LINC00305: variants seen among roughly 807,000 people sequenced by gnomAD.
LINC00305 encodes the protein long independently transcribed non-coding RNA 305, also known as long intergenic non-protein coding RNA 305.
intron 1 of LINC00305, among the ~76,000 whole-genome samples, chr18:64,134,339 T>A (rs950373955): frequency 1.3e-5 from 2 of 152,224 alleles, no homozygotes; most frequent in South Asian, 2.1e-4. Flanking sequence ...GTTTCATAAT[T>A]ATGTCCAGTA....
At chr18:64,101,082 G>C (rs1267533400) in intron 1 of LINC00305, among the ~76,000 whole-genome samples, 1 of 152,166 alleles carries the variant, frequency 6.6e-6, no homozygotes, top group Admixed American at 6.5e-5. Flanking sequence ...CTCTACCATT[G>C]CTAAGTGCTG....
intron 3 of LINC00305, among the ~76,000 whole-genome samples, chr18:64,087,950 C>A (rs991478686): frequency 1.1e-3 from 161 of 151,644 alleles, no homozygotes; most frequent in African/African-American, 3.8e-3. Flanking sequence ...AAAAACAAAA[C>A]AAACAGACAA....
chr18:64,143,617 C>CAT (rs1645430594), intron 1 of LINC00305, among the ~76,000 whole-genome samples: 1 of 115,036 alleles, frequency 8.7e-6, no homozygotes, highest in Admixed American at 7.8e-5. Context: ...TACATATGTA[C>CAT]ACATATGTAT....
chr18:64,110,978 T>A (rs1265964835), intron 1 of LINC00305, among the ~76,000 whole-genome samples: 1 of 152,182 alleles, frequency 6.6e-6, no homozygotes, highest in African/African-American at 2.4e-5. Context: ...TACATCCTGA[T>A]TAGTGCTTCA....
At chr18:64,147,546 A>T (rs936260761) in intron 1 of LINC00305, among the ~76,000 whole-genome samples, 21 of 152,180 alleles carry the variant, frequency 1.4e-4, no homozygotes, top group African/African-American at 4.8e-4. Context: ...TATTTCTTGT[A>T]ACTCATTTCA....
chr18:64,142,883 A>G (rs1212343742), intron 1 of LINC00305, among the ~76,000 whole-genome samples: 5 of 152,204 alleles, frequency 3.3e-5, no homozygotes, highest in Admixed American at 1.3e-4. Context: ...ATCACTCAGA[A>G]ACAATGGGTT....
intron 3 of LINC00305, among the ~76,000 whole-genome samples, chr18:64,096,450 TAGAGA>T (rs2051245490): frequency 6.6e-6 from 1 of 151,816 alleles, no homozygotes; most frequent in Admixed American, 6.6e-5. Flanking sequence ...GCTGACTAGA[TAGAGA>T]AATCAATAAA....
intron 1 of LINC00305, among the ~76,000 whole-genome samples, chr18:64,124,246 A>G (rs1178018149): frequency 1.3e-5 from 2 of 152,104 alleles, no homozygotes; most frequent in African/African-American, 4.8e-5. Flanking sequence ...TCATCCACGG[A>G]TCAGAACCTA....
At chr18:64,148,477 T>C (rs1053132130) in intron 1 of LINC00305, among the ~76,000 whole-genome samples, 2 of 152,086 alleles carry the variant, frequency 1.3e-5, no homozygotes, top group Non-Finnish European at 2.9e-5. Flanking sequence ...CAACTCACTG[T>C]CTTATAAGGG....
chr18:64,126,311 T>G (rs1179103745), intron 1 of LINC00305, among the ~76,000 whole-genome samples: 1 of 152,066 alleles, frequency 6.6e-6, no homozygotes, highest in Non-Finnish European at 1.5e-5. Context: ...CTTTATTATT[T>G]TCTATATTTT....
intron 1 of LINC00305, among the ~76,000 whole-genome samples, chr18:64,109,562 G>A (rs375926161): frequency 5.3e-5 from 8 of 152,216 alleles, no homozygotes; most frequent in South Asian, 4.2e-4. Flanking sequence ...CGGCCTCATC[G>A]TCATCATCAT....
At chr18:64,148,134 A>G (rs1036700992) in intron 1 of LINC00305, among the ~76,000 whole-genome samples, 4 of 151,994 alleles carry the variant, frequency 2.6e-5, no homozygotes, top group African/African-American at 9.7e-5. Flanking sequence ...CCTATCTAGG[A>G]TCTCCACCCA....
chr18:64,135,058 C>T lies in LINC00305; in HGVS notation n.314+13717G>A, dbSNP rs539298207. Among the ~76,000 whole-genome samples, 16 of 152,280 alleles carry T rather than the reference C, an allele frequency of 1.1e-4. No homozygotes were observed. In the East Asian group the frequency reaches 2.5e-3, roughly 24 times the overall value. On this transcript the variant is annotated intron_variant and non_coding_transcript_variant, in intron 1 of 3. Coordinates refer to ENST00000666468, the Ensembl canonical transcript of LINC00305. ...CCGAAATCAAGGCATCAGCAGTATC[C>T]GTTCCTTTTGACCACTGTGGGGAAC...
Position 64,139,384 on chromosome 18 carries a change from T to A in LINC00305, n.314+9391A>T, listed in dbSNP as rs2051450499. ...GAAACGGGTACTAGGTATAGCCTGA[T>A]AAAATCCCTAGGAGAGCCACTTTGG... On this transcript the variant is annotated intron_variant and non_coding_transcript_variant, in intron 1 of 3. Transcript: ENST00000666468. The A allele has an allele frequency of 2.6e-5, 4 of 152,336 alleles. No homozygotes were observed. In the South Asian group the frequency reaches 8.3e-4, roughly 32 times the overall value. 9.4% of individuals were successfully genotyped at this position (152,336 alleles called of 1,614,324 possible).
intron 1 of LINC00305, among the ~76,000 whole-genome samples, chr18:64,116,856 C>T (rs2051339946): frequency 6.6e-6 from 1 of 152,152 alleles, no homozygotes; most frequent in Non-Finnish European, 1.5e-5. Context: ...TTAGGTTTAC[C>T]ACGGGCCTTC....
At chr18:64,080,457 A>G (rs1160945612) in intron 3 of LINC00305, 2 of 330,722 alleles carry the variant, frequency 6.0e-6, no homozygotes, top group African/African-American at 4.4e-5. Context: ...TTTAAACTTG[A>G]TCAAATGATT....
intron 3 of LINC00305, among the ~76,000 whole-genome samples, chr18:64,093,495 C>T (rs1351815193): frequency 6.6e-6 from 1 of 151,990 alleles, no homozygotes; most frequent in Non-Finnish European, 1.5e-5. Context: ...CCACCAAGCC[C>T]GGCTAATTTT....
chr18:64,148,012 C>A (rs141792363), intron 1 of LINC00305, among the ~76,000 whole-genome samples: 2 of 151,854 alleles, frequency 1.3e-5, no homozygotes, highest in Non-Finnish European at 2.9e-5. Context: ...CTCGGATGTA[C>A]GTTCTTAGAT....
intron 1 of LINC00305, among the ~76,000 whole-genome samples, chr18:64,138,790 A>G (rs1007749652): frequency 2.0e-5 from 3 of 152,040 alleles, no homozygotes; most frequent in South Asian, 2.1e-4. Context: ...GTCAGCTTCT[A>G]TTTGACTCTC....
Sources: gnomAD v4.1 joint callset for allele counts (sites outside exome capture counted in the v4.1 genomes callset) on GRCh38, gnomAD v4.1.1 for gene constraint, MANE v1.5 for transcripts, NCBI Gene and HGNC (gene_info 2026-07-23, HGNC 2026-07-21) for gene names.